Variants in TRAF2 observed in about 807,000 individuals in gnomAD.
TRAF2 encodes the protein TNF receptor associated factor 2.
A neutral mutation model predicts 55.6 loss-of-function variants in TRAF2; 6 were observed. That is an observed-to-expected ratio of 0.11 (90% CI 0.06 to 0.21). TRAF2 has a LOEUF of 0.21. Ranked by LOEUF, TRAF2 falls within the 10% of genes least tolerant of loss-of-function variation. The pLI is 1.00. For missense variants in TRAF2, 561 were observed against 684.5 expected, an observed-to-expected ratio of 0.82 and a Z score of 2.01; for synonymous variants, 329 against 276.3, an observed-to-expected ratio of 1.19 and a Z score of -1.89.
At chr9:136,893,787 A>T (rs566353155) in intron 1 of TRAF2, among the ~76,000 whole-genome samples, 1 of 152,046 alleles carries the variant, frequency 6.6e-6, no homozygotes, top group Non-Finnish European at 1.5e-5. Context: ...TCTCACTGCA[A>T]TGCGCAGGCT....
intron 7 of TRAF2, among the ~76,000 whole-genome samples, chr9:136,917,515 G>A (rs930450480): frequency 1.3e-5 from 2 of 152,214 alleles, no homozygotes; most frequent in Admixed American, 6.5e-5. Flanking sequence ...CAGGACCCTC[G>A]AGGAGTACTG....
intron 7 of TRAF2, among the ~76,000 whole-genome samples, chr9:136,918,249 AT>A (rs1850289766): frequency 2.1e-5 from 1 of 47,712 alleles, no homozygotes; most frequent in African/African-American, 1.4e-4. Context: ...ATATATATAT[AT>A]ATATATATTT....
intron 6 of TRAF2, among the ~76,000 whole-genome samples, chr9:136,911,166 C>T (rs1011167095): frequency 2.0e-5 from 3 of 152,134 alleles, no homozygotes; most frequent in Admixed American, 6.5e-5. Flanking sequence ...CGAAGACGGG[C>T]GCCCACGCAG....
intron 6 of TRAF2, among the ~76,000 whole-genome samples, chr9:136,912,706 G>A (rs1013877079): frequency 6.6e-6 from 1 of 150,454 alleles, no homozygotes; most frequent in Non-Finnish European, 1.5e-5. Context: ...GCATGGTGGT[G>A]CACACCTGTA....
rs765955359 is a variant in TRAF2, at chr9:136,920,470, G to A, written c.915G>A (p.Arg305=). ...RVAMTAEACS[R]QHRLDQDKIE... ...CCATGACTGCCGAGGCCTGCAGCCG[G>A]CAGCACCGGCTGGACCAAGACAAGA... The change falls in exon 8 of 11, where the codon CGG becomes CGA. Residue 305 remains arginine (R), a synonymous_variant. Coordinates refer to ENST00000247668, the MANE Select transcript of TRAF2 (RefSeq NM_021138.4). 70 of 1,613,528 alleles carry A rather than the reference G, an allele frequency of 4.3e-5. No individual in the cohort carries two copies. The highest frequency in any genetic ancestry group is 5.5e-5 in the Non-Finnish European group (65 of 1,179,948).
intron 4 of TRAF2, chr9:136,902,379 G>GGA (rs1849842016): frequency 6.6e-6 from 1 of 152,428 alleles, no homozygotes; most frequent in African/African-American, 2.4e-5. Context: ...AGAGGACTGA[G>GGA]GAGTGTCTGG....
intron 7 of TRAF2, among the ~76,000 whole-genome samples, chr9:136,919,075 T>TATTTATTTATTTA (rs1850318535): frequency 6.6e-6 from 1 of 150,892 alleles, no homozygotes; most frequent in Non-Finnish European, 1.5e-5. Flanking sequence ...TTTATTTATT[T>TATTTATTTATTTA]TCGAAACAGA....
At chr9:136,907,842 C>T (rs974721687) in intron 4 of TRAF2, among the ~76,000 whole-genome samples, 6 of 151,926 alleles carry the variant, frequency 3.9e-5, no homozygotes, top group Non-Finnish European at 7.4e-5. Flanking sequence ...GCAGAGCATC[C>T]CCTCAGCTCA....
At chr9:136,914,202 C>T (rs1330270615) in intron 6 of TRAF2, among the ~76,000 whole-genome samples, 2 of 152,320 alleles carry the variant, frequency 1.3e-5, no homozygotes, top group East Asian at 1.9e-4. Flanking sequence ...AGAGGCCAGG[C>T]GCCCAGCTGG....
chr9:136,915,896 G>C (rs986603864), intron 6 of TRAF2, among the ~76,000 whole-genome samples: 1 of 152,074 alleles, frequency 6.6e-6, no homozygotes, highest in African/African-American at 2.4e-5. Context: ...ATGAAATCTT[G>C]TGCTGCGTCT....
chr9:136,898,884 G>T lies in TRAF2; in HGVS notation c.144G>T (p.Gln48His). The change falls in exon 2 of 11, where the codon CAG becomes CAT. Residue 48 changes from glutamine (Q) to histidine (H), a missense_variant. By Grantham distance (24) the Gln-to-His change is conservative. Transcript: ENST00000247668. ...TCCTCCGCAGGCCCTTCCAGGCGCA[G>T]TGTGGCCACCGGTACTGCTCCTTCT... is the stretch of plus-strand genomic sequence containing the variant. ...RNVLRRPFQA[Q>H]CGHRYCSFCL... 5 of 1,612,840 alleles carry T rather than the reference G, an allele frequency of 3.1e-6. No individual in the cohort carries two copies. The highest frequency in any genetic ancestry group is 2.5e-6 in the Non-Finnish European group (3 of 1,179,776).
At chr9:136,892,741 G>A (rs892583182) in intron 1 of TRAF2, among the ~76,000 whole-genome samples, 9 of 151,508 alleles carry the variant, frequency 5.9e-5, no homozygotes, top group African/African-American at 1.5e-4. Flanking sequence ...TTAGCCAGGC[G>A]TGGTGACAGG....
upstream of TRAF2, among the ~76,000 whole-genome samples, chr9:136,883,478 C>T (rs558779450): frequency 6.6e-6 from 1 of 152,154 alleles, no homozygotes; most frequent in Non-Finnish European, 1.5e-5. Context: ...ATGACTTTCC[C>T]GTTACCCTGA....
At position 136,918,970 on chromosome 9, in the gene TRAF2, G is replaced by C. The variant is rs559928076; in HGVS notation, c.679-1264G>C. ...GGCTAGTCTCAAACTCCTGACCTCA[G>C]GTGATCCGCCCACTTCAGCCTCCCA... On this transcript the variant is annotated intron_variant, in intron 7 of 10. Coordinates refer to ENST00000247668, the MANE Select transcript of TRAF2 (RefSeq NM_021138.4). 4.6e-5 allele frequency among the ~76,000 whole-genome samples: 7 copies of C among 152,010 alleles called. No individual in the cohort carries two copies. The South Asian group carries it at 1.5e-3, about 32-fold the overall frequency.
intron 1 of TRAF2, among the ~76,000 whole-genome samples, chr9:136,893,006 T>C (rs1233050316): frequency 6.6e-6 from 1 of 152,208 alleles, no homozygotes; most frequent in Non-Finnish European, 1.5e-5. Context: ...GTGAACCTTT[T>C]AGTGACGTAC....
chr9:136,898,912 C>T lies in TRAF2; in HGVS notation c.172C>T (p.Leu58=). 2 of 1,609,166 alleles carry T rather than the reference C, an allele frequency of 1.2e-6. No homozygotes were observed. The highest frequency in any genetic ancestry group is 1.7e-6 in the Non-Finnish European group (2 of 1,178,504). ...TGGCCACCGGTACTGCTCCTTCTGCCTGGCCAGCATCCTCAGGTGCATGGG... is the reference window on the plus strand; with the variant it reads ...TGGCCACCGGTACTGCTCCTTCTGCTTGGCCAGCATCCTCAGGTGCATGGG... ...QCGHRYCSFC[L]ASILSSGPQN... is the part of the protein sequence containing the mutation. The change falls in exon 2 of 11, where the codon CTG becomes TTG. Residue 58 remains leucine, a synonymous_variant. Coordinates refer to ENST00000247668, the MANE Select transcript of TRAF2 (RefSeq NM_021138.4).
upstream of TRAF2, chr9:136,886,039 C>T (rs980023018): frequency 6.6e-6 from 1 of 152,250 alleles, no homozygotes; most frequent in Non-Finnish European, 1.5e-5. Flanking sequence ...GCCCCGCGTC[C>T]CGCGCGCGAC....
intron 10 of TRAF2, among the ~76,000 whole-genome samples, chr9:136,924,787 T>G (rs553659291): frequency 1.3e-5 from 2 of 152,036 alleles, no homozygotes; most frequent in Non-Finnish European, 2.9e-5. Flanking sequence ...TCGCCCAGGC[T>G]GGAGTGCAGT....
At position 136,920,300 on chromosome 9, in the gene TRAF2, A is replaced by C; in HGVS notation, c.745A>C (p.Ser249Arg). The C allele has an allele frequency of 6.2e-7, 1 of 1,613,858 alleles. No individual in the cohort carries two copies. The highest frequency in any genetic ancestry group is 8.5e-7 in the Non-Finnish European group (1 of 1,180,040). The part of the protein sequence containing the change: ...WLREHLAMLL[S>R]SVLEAKPLLG... ...GCGGGAGCACCTGGCCATGCTACTG[A>C]GCTCGGTGCTGGAGGCAAAGCCCCT... Residue 249 changes from serine (S) to arginine (R), a missense_variant, in exon 8 of 11, where the codon AGC becomes CGC. By Grantham distance (110) the Ser-to-Arg change is moderately radical. This residue lies in a region of TRAF2 where 426 missense variants were observed against 476.8 expected (regional missense o/e 0.89). Coordinates refer to ENST00000247668, the MANE Select transcript of TRAF2 (RefSeq NM_021138.4).
Sources: gnomAD v4.1 joint callset for allele counts (sites outside exome capture counted in the v4.1 genomes callset) on GRCh38, gnomAD v4.1.1 for gene constraint, gnomAD v4.1.1 regional missense constraint, MANE v1.5 for transcripts, NCBI Gene and HGNC (gene_info 2026-07-23, HGNC 2026-07-21) for gene names.